The following FHIT variants were observed in gnomAD, a reference collection of about 807,000 sequenced individuals.
FHIT encodes the protein fragile histidine triad diadenosine triphosphatase, also known as bis(5'-adenosyl)-triphosphatase.
FHIT carries 19 observed loss-of-function variants against 17.9 expected under a neutral mutation model. That is an observed-to-expected ratio of 1.06 (90% CI 0.74 to 1.56). The LOEUF is 1.56. FHIT is among the 40% of genes most tolerant of loss of function. FHIT has a pLI of 0.00. For missense variants in FHIT, 248 were observed against 189.2 expected, an observed-to-expected ratio of 1.31 and a Z score of -1.82; for synonymous variants, 81 against 69.7, an observed-to-expected ratio of 1.16 and a Z score of -0.81.
chr3:60,118,239 T>A (rs535461252), intron 5 of FHIT, among the ~76,000 whole-genome samples: 57 of 151,948 alleles, frequency 3.8e-4, no homozygotes, highest in African/African-American at 1.4e-3. Context: ...CCTGAGTAGC[T>A]AAGACCAGAG....
intron 5 of FHIT, among the ~76,000 whole-genome samples, chr3:60,246,749 A>T (rs1308073842): frequency 6.6e-6 from 1 of 152,150 alleles, no homozygotes; most frequent in Non-Finnish European, 1.5e-5. Flanking sequence ...ACCAATTACA[A>T]ATTATTGACC....
At position 59,958,187 on chromosome 3, in the gene FHIT, A is replaced by G. The variant is rs73839801; in HGVS notation, c.280-35773T>C. Among the ~76,000 whole-genome samples, 1,475 of 152,322 alleles carry G rather than the reference A, an allele frequency of 9.7e-3. 33 individuals are homozygous for G. Among genetic ancestry groups the G allele is most frequent in the African/African-American group, 0.034 (1,408 of 41,562 alleles). The stretch of plus-strand genomic sequence containing the variant: ...TGGAAAGTAGGCAGTGTTGAAAATC[A>G]TGACAAAATTGGCACATATCTTGAT... On this transcript the variant is annotated intron_variant, in intron 7 of 9. Transcript: ENST00000492590.
At chr3:60,861,756 A>T (rs1206090007) in intron 3 of FHIT, among the ~76,000 whole-genome samples, 1 of 152,118 alleles carries the variant, frequency 6.6e-6, no homozygotes, top group East Asian at 1.9e-4. Flanking sequence ...GTAAACTCAA[A>T]GTTATAGGAG....
chr3:60,319,957 G>C lies in FHIT; in HGVS notation c.103+216903C>G, dbSNP rs1204398574. ...AAACGACCTAAGAGGATGCACAATAGCAGCTCTCACAAAACCGCAGTCACT... is the reference window on the plus strand; with the variant it reads ...AAACGACCTAAGAGGATGCACAATACCAGCTCTCACAAAACCGCAGTCACT... On this transcript the variant is annotated intron_variant, in intron 5 of 9. Coordinates refer to ENST00000492590, the MANE Select transcript of FHIT (RefSeq NM_002012.4). Among the ~76,000 whole-genome samples the C allele has an allele frequency of 5.3e-5, 8 of 152,194 alleles. No homozygotes were observed. In the East Asian group the frequency reaches 1.2e-3, roughly 22 times the overall value.
At chr3:60,735,420 G>A (rs553153483) in intron 4 of FHIT, among the ~76,000 whole-genome samples, 3 of 152,210 alleles carry the variant, frequency 2.0e-5, no homozygotes, top group African/African-American at 7.2e-5. Flanking sequence ...GTATTTCACC[G>A]ATGAATGATT....
chr3:59,949,008 C>T (rs1019493992), intron 7 of FHIT, among the ~76,000 whole-genome samples: 17 of 152,220 alleles, frequency 1.1e-4, no homozygotes, highest in Middle Eastern at 6.8e-3. Flanking sequence ...GAGCATAGGA[C>T]CCAATAGTTG....
chr3:60,114,817 T>G (rs1428626621), intron 5 of FHIT, among the ~76,000 whole-genome samples: 4 of 151,994 alleles, frequency 2.6e-5, no homozygotes, highest in African/African-American at 9.7e-5. Flanking sequence ...AAATTAAAAA[T>G]GAAGAGTAAT....
At chr3:60,627,499 A>C (rs2039321236) in intron 4 of FHIT, among the ~76,000 whole-genome samples, 1 of 152,078 alleles carries the variant, frequency 6.6e-6, no homozygotes, top group Non-Finnish European at 1.5e-5. Context: ...CAAGGTGAGT[A>C]GTAAGGTCCC....
chr3:60,385,713 G>A (rs1576578327), intron 5 of FHIT, among the ~76,000 whole-genome samples: 1 of 152,068 alleles, frequency 6.6e-6, no homozygotes, highest in African/African-American at 2.4e-5. Flanking sequence ...CTGAGTAGCT[G>A]GGAATAAAGG....
intron 2 of FHIT, among the ~76,000 whole-genome samples, chr3:61,198,895 CGATGATGAT>C (rs56054524): frequency 0.21 from 31,972 of 150,336 alleles, 3,804 homozygotes; most frequent in African/African-American, 0.31. Flanking sequence ...CTGCCGCCGC[CGATGATGAT>C]GATGATGATG....
chr3:60,750,218 G>A (rs983074346), intron 4 of FHIT, among the ~76,000 whole-genome samples: 6 of 152,084 alleles, frequency 3.9e-5, no homozygotes, highest in African/African-American at 9.7e-5. Flanking sequence ...AGAGGCCACT[G>A]AATTCTGAGT....
chr3:60,444,651 C>T (rs2031187456), intron 5 of FHIT, among the ~76,000 whole-genome samples: 1 of 151,878 alleles, frequency 6.6e-6, no homozygotes, highest in Admixed American at 6.6e-5. Context: ...ACAATGAGAA[C>T]ACCTGGACAC....
chr3:61,244,363 G>A (rs375711832), intron 1 of FHIT, among the ~76,000 whole-genome samples: 2 of 152,112 alleles, frequency 1.3e-5, no homozygotes, highest in African/African-American at 2.4e-5. Flanking sequence ...CAGGTACCTC[G>A]AATTCCCATC....
At chr3:60,093,290 C>T (rs377308972) in intron 5 of FHIT, among the ~76,000 whole-genome samples, 16 of 152,222 alleles carry the variant, frequency 1.1e-4, no homozygotes, top group East Asian at 7.7e-4. Flanking sequence ...TTCCTTGGCT[C>T]GTGGCCTCTT....
intron 5 of FHIT, among the ~76,000 whole-genome samples, chr3:60,273,983 A>C (rs1473181411): frequency 6.6e-6 from 1 of 152,238 alleles, no homozygotes; most frequent in East Asian, 1.9e-4. Context: ...TAACGAAGAC[A>C]ATTGAAAGAA....
At chr3:60,438,633 C>G (rs945242888) in intron 5 of FHIT, among the ~76,000 whole-genome samples, 1 of 152,150 alleles carries the variant, frequency 6.6e-6, no homozygotes, top group African/African-American at 2.4e-5. Context: ...TCAAAAATTA[C>G]ACACTGTTAA....
intron 2 of FHIT, among the ~76,000 whole-genome samples, chr3:61,122,711 C>A (rs186579988): frequency 1.3e-5 from 2 of 152,080 alleles, no homozygotes; most frequent in African/African-American, 4.8e-5. Flanking sequence ...AGTCACTTCT[C>A]AAAAGAAGAC....
At chr3:60,922,867 A>G (rs1237968384) in intron 3 of FHIT, among the ~76,000 whole-genome samples, 2 of 152,254 alleles carry the variant, frequency 1.3e-5, no homozygotes, top group Non-Finnish European at 2.9e-5. Flanking sequence ...CCTACTTTGC[A>G]TCCTCTCACA....
At chr3:60,627,937 T>C (rs1469740888) in intron 4 of FHIT, among the ~76,000 whole-genome samples, 1 of 152,240 alleles carries the variant, frequency 6.6e-6, no homozygotes, top group Non-Finnish European at 1.5e-5. Flanking sequence ...TCTGGTTACA[T>C]TGATTCTATT....
Sources: allele counts gnomAD v4.1 joint callset (sites outside exome capture counted in the v4.1 genomes callset), GRCh38; gene constraint gnomAD v4.1.1; transcripts MANE v1.5; gene names NCBI Gene and HGNC (gene_info 2026-07-23, HGNC 2026-07-21).